OOEP: variants seen among roughly 807,000 people sequenced by gnomAD.
OOEP encodes oocyte-expressed protein homolog.
Under a neutral mutation model 13.7 loss-of-function variants are expected in OOEP, and 16 were observed. The ratio of observed to expected loss-of-function variants is 1.16; its 90% confidence interval spans 0.79 to 1.77. OOEP has a LOEUF of 1.77. Among genes scored for constraint, OOEP ranks in the 40% most tolerant of loss-of-function variants. OOEP has a pLI of 0.00. For synonymous variants in OOEP, 89 were observed against 77.1 expected (o/e 1.15, Z -0.81); for missense variants, 195 against 193.1 (o/e 1.01, Z -0.06).
chr6:73,373,613 C>A (rs1467132866), upstream of OOEP, among the ~76,000 whole-genome samples: 2 of 152,048 alleles, frequency 1.3e-5, no homozygotes, highest in African/African-American at 4.8e-5. Flanking sequence ...TATTTAGAGA[C>A]GGAGTTTTGC....
In OOEP at chr6:73,368,646, T is replaced by A; in HGVS notation, c.*138A>T. The A allele has an allele frequency of 1.6e-6, 1 of 637,716 alleles. No individual in the cohort carries two copies. Among genetic ancestry groups the A allele is most frequent in the Non-Finnish European group, 2.8e-6 (1 of 359,944 alleles). 39.5% of individuals were successfully genotyped at this position (637,716 alleles called of 1,614,324 possible). On this transcript the variant is annotated 3_prime_UTR_variant, in exon 3 of 3. Transcript: ENST00000370359. Reference sequence around the variant, plus strand: ...TTATTAGAATAGTTCAAACTCACTCTTGCAACAAAATAAACCACAATCCAT... The same window carrying A: ...TTATTAGAATAGTTCAAACTCACTCATGCAACAAAATAAACCACAATCCAT...
intron 2 of OOEP, among the ~76,000 whole-genome samples, chr6:73,393,750 C>T (rs896895664): frequency 3.9e-5 from 6 of 152,028 alleles, no homozygotes; most frequent in Non-Finnish European, 7.4e-5. Flanking sequence ...TCCAACAGGT[C>T]GAATCTGCAG....
intron 2 of OOEP, among the ~76,000 whole-genome samples, chr6:73,392,818 G>A (rs1177391285): frequency 3.3e-5 from 5 of 151,426 alleles, no homozygotes; most frequent in Non-Finnish European, 7.4e-5. Context: ...TTTTAGTAGA[G>A]ATGGGGTTTT....
chr6:73,390,581 CTT>C (rs1174507865), intron 2 of OOEP, among the ~76,000 whole-genome samples: 13 of 135,902 alleles, frequency 9.6e-5, no homozygotes, highest in Admixed American at 2.2e-4. Context: ...TACCCAAAAA[CTT>C]TTTTTTTTTT....
upstream of OOEP, among the ~76,000 whole-genome samples, chr6:73,374,429 A>G (rs932869027): frequency 2.0e-5 from 3 of 152,252 alleles, no homozygotes; most frequent in East Asian, 1.9e-4. Context: ...CTTGAAGCCA[A>G]TCCCAATCCT....
upstream of OOEP, among the ~76,000 whole-genome samples, chr6:73,372,674 C>G (rs1252272077): frequency 6.6e-6 from 1 of 152,054 alleles, no homozygotes; most frequent in Non-Finnish European, 1.5e-5. Flanking sequence ...GCAGTTTTCC[C>G]GAGTGCATGG....
chr6:73,394,204 TGGA>T, intron 2 of OOEP: 1 of 585,652 alleles, frequency 1.7e-6, no homozygotes, highest in Non-Finnish European at 3.1e-6. Context: ...TTTAATTTTG[TGGA>T]TTACAACCAT....
intron 2 of OOEP, 115 bp downstream of exon 2, chr6:73,369,090 TG>T: frequency 1.8e-6 from 2 of 1,112,718 alleles, no homozygotes; most frequent in Admixed American, 2.5e-5. Flanking sequence ...GCTAGCTCCC[TG>T]GGGTCTGGAA....
intron 2 of OOEP, among the ~76,000 whole-genome samples, chr6:73,383,031 G>T (rs1310833043): frequency 6.6e-6 from 1 of 151,070 alleles, no homozygotes; most frequent in Non-Finnish European, 1.5e-5. Context: ...TAGAGATGGG[G>T]TTTCCCCCTG....
chr6:73,369,306 G>C lies in OOEP; in HGVS notation c.270C>G (p.Asn90Lys). 1 of 1,613,888 alleles carries C rather than the reference G, an allele frequency of 6.2e-7. No individual in the cohort carries two copies. Among genetic ancestry groups the C allele is most frequent in the Non-Finnish European group, 8.5e-7 (1 of 1,179,858 alleles). The change falls in exon 2 of 3, where the codon AAC becomes AAG. Residue 90 changes from asparagine to lysine, a missense_variant. Asn to Lys is a moderately conservative substitution (Grantham distance 94). Coordinates refer to ENST00000370359, the MANE Select transcript of OOEP (RefSeq NM_001080507.3). ...LLTVDIVDSG[N>K]LVEITVFGRP... ...GCCCGAAAACGGTGATTTCGACTAG[G>C]TTCCCTGAGTCCACTATGTCCACTG...
intron 2 of OOEP, among the ~76,000 whole-genome samples, chr6:73,382,561 ATGT>A (rs1445846343): frequency 6.6e-6 from 1 of 151,722 alleles, no homozygotes; most frequent in Non-Finnish European, 1.5e-5. Flanking sequence ...GGGTCTCACC[ATGT>A]TGTCCAGACT....
At chr6:73,373,307 G>A, upstream of OOEP, 1 of 1,546,754 alleles carries the variant, frequency 6.5e-7, no homozygotes. Flanking sequence ...GCGGAGAAAG[G>A]AAGAGGGCTC....
intron 2 of OOEP, among the ~76,000 whole-genome samples, chr6:73,375,638 A>G (rs943908946): frequency 2.0e-5 from 3 of 146,930 alleles, no homozygotes; most frequent in Non-Finnish European, 4.5e-5. Context: ...GTATATATTT[A>G]TATAAAATTA....
chr6:73,392,817 A>G (rs1769366532), intron 2 of OOEP, among the ~76,000 whole-genome samples: 1 of 151,312 alleles, frequency 6.6e-6, no homozygotes, highest in Non-Finnish European at 1.5e-5. Flanking sequence ...TTTTTAGTAG[A>G]GATGGGGTTT....
At chr6:73,395,090 C>A in exon 1 of OOEP, 1 of 1,614,154 alleles carries the variant, frequency 6.2e-7, no homozygotes, top group African/African-American at 1.3e-5. Flanking sequence ...GAGGCCGTGG[C>A]CGCTGGTCAC....
At chr6:73,382,481 G>C (rs1336273440) in intron 2 of OOEP, among the ~76,000 whole-genome samples, 2 of 151,790 alleles carry the variant, frequency 1.3e-5, no homozygotes, top group African/African-American at 4.8e-5. Flanking sequence ...CTCCCAAAGT[G>C]CTGGGATTAT....
chr6:73,373,349 G>C, upstream of OOEP: 5 of 1,332,742 alleles, frequency 3.8e-6, no homozygotes, highest in Non-Finnish European at 5.4e-6. Flanking sequence ...TTTTGAGACA[G>C]GGTCTCACTC....
chr6:73,394,785 C>A, exon 1 of OOEP: 1 of 1,431,834 alleles, frequency 7.0e-7, no homozygotes, highest in Non-Finnish European at 9.4e-7. Context: ...GGGGGCTAGC[C>A]TCGTGCGGGC....
At chr6:73,384,774 T>C (rs559964829) in intron 2 of OOEP, among the ~76,000 whole-genome samples, 2 of 151,578 alleles carry the variant, frequency 1.3e-5, no homozygotes, top group South Asian at 4.2e-4. Context: ...TCTTGCTCTG[T>C]CAACCAGGCT....
Sources: allele counts gnomAD v4.1 joint callset (sites outside exome capture counted in the v4.1 genomes callset), GRCh38; gene constraint gnomAD v4.1.1; transcripts MANE v1.5; gene names NCBI Gene and HGNC (gene_info 2026-07-23, HGNC 2026-07-21).